Variants in CECR2 observed in about 807,000 individuals in gnomAD.
The protein encoded by CECR2 is chromatin remodeling regulator CECR2.
A neutral mutation model predicts 154.5 loss-of-function variants in CECR2; 30 were observed. The ratio of observed to expected loss-of-function variants is 0.19; its 90% CI spans 0.15 to 0.26. The LOEUF (loss-of-function observed/expected upper bound fraction) is 0.26. Ranked by LOEUF, CECR2 falls within the 10% of genes least tolerant of loss-of-function variation. The pLI is 1.00. For synonymous variants in CECR2, 725 were observed against 683.7 expected (o/e 1.06, Z -0.94); for missense variants, 1,743 against 1,829.3 (o/e 0.95, Z 0.86).
chr22:17,404,386 T>TTTTTTTTTTTTTTG (rs1367499378), intron 1 of CECR2, among the ~76,000 whole-genome samples: 1 of 72,814 alleles, frequency 1.4e-5, no homozygotes, highest in Non-Finnish European at 2.9e-5. Flanking sequence ...TTTTTTTTTT[T>TTTTTTTTTTTTTTG]TTTTTGAGAC....
intron 1 of CECR2, among the ~76,000 whole-genome samples, chr22:17,406,302 C>T (rs1295686374): frequency 6.6e-6 from 1 of 152,190 alleles, no homozygotes; most frequent in Non-Finnish European, 1.5e-5. Flanking sequence ...GGGAGGACCA[C>T]CTGAAGTCAG....
At chr22:17,510,279 C>G (rs1158923424) in intron 7 of CECR2, among the ~76,000 whole-genome samples, 1 of 152,056 alleles carries the variant, frequency 6.6e-6, no homozygotes, top group Non-Finnish European at 1.5e-5. Flanking sequence ...AGGCAGTTCC[C>G]TGATAAGTTT....
In CECR2 at chr22:17,543,171, C is replaced by T. The variant is rs141077411; in HGVS notation, c.2860+168C>T. On this transcript the variant is annotated intron_variant, in intron 16 of 18. Coordinates refer to ENST00000262608, the MANE Select transcript of CECR2 (RefSeq NM_001290047.2). ...TTTTTGAGACAGAGTCTTGCTCTGTCGCCCAGGCTGGAGTGCAGTGGTGTG... is the reference window on the plus strand; with the variant it reads ...TTTTTGAGACAGAGTCTTGCTCTGTTGCCCAGGCTGGAGTGCAGTGGTGTG... 2.0e-3 allele frequency among the ~76,000 whole-genome samples: 297 copies of T among 152,162 alleles called. 3 individuals carry two copies. The highest frequency in any genetic ancestry group is 6.6e-3 in the African/African-American group (273 of 41,512).
chr22:17,543,923 T>C (rs1426773742), intron 16 of CECR2, among the ~76,000 whole-genome samples: 1 of 152,196 alleles, frequency 6.6e-6, no homozygotes, highest in East Asian at 1.9e-4. Flanking sequence ...ATCCTTGTTT[T>C]TACAGATGAA....
intron 15 of CECR2, 43 bp downstream of exon 15, chr22:17,542,010 A>G: frequency 6.3e-7 from 1 of 1,593,084 alleles, no homozygotes; most frequent in Non-Finnish European, 8.6e-7. Context: ...GGGGTCCCAC[A>G]GGTACGTTTC....
intron 7 of CECR2, among the ~76,000 whole-genome samples, chr22:17,507,574 C>A (rs902543220): frequency 1.3e-5 from 2 of 150,990 alleles, no homozygotes; most frequent in Non-Finnish European, 2.9e-5. Context: ...CTATATTCAG[C>A]CTAACATTTT....
chr22:17,514,947 C>T (rs4819597), intron 8 of CECR2, among the ~76,000 whole-genome samples: 17,374 of 150,448 alleles, frequency 0.12, 1,078 homozygotes, highest in South Asian at 0.17. Flanking sequence ...GGCGTGAACC[C>T]GGGAGGCAGA....
chr22:17,505,361 GGGTTTGTCTT>G, intron 7 of CECR2, among the ~76,000 whole-genome samples: 1 of 151,786 alleles, frequency 6.6e-6, no homozygotes. Context: ...AAAATCTTGT[GGGTTTGTCTT>G]TGTCCTTGTA....
intron 15 of CECR2, 39 bp downstream of exon 15, chr22:17,542,006 C>T: frequency 6.3e-7 from 1 of 1,593,494 alleles, no homozygotes; most frequent in Non-Finnish European, 8.5e-7. Flanking sequence ...GCAGGGGGTC[C>T]CACAGGTACG....
At chr22:17,454,240 A>G (rs1050414951) in intron 1 of CECR2, among the ~76,000 whole-genome samples, 1 of 151,944 alleles carries the variant, frequency 6.6e-6, no homozygotes, top group Non-Finnish European at 1.5e-5. Flanking sequence ...TTGAGGCTGC[A>G]ATGAGCCATG....
chr22:17,480,827 G>T (rs1322983212), intron 2 of CECR2, among the ~76,000 whole-genome samples: 1 of 151,174 alleles, frequency 6.6e-6, no homozygotes, highest in Non-Finnish European at 1.5e-5. Context: ...ATCACTTGAG[G>T]TCGGGAGTTC....
chr22:17,402,754 CTTTTTT>C (rs386394918), intron 1 of CECR2, among the ~76,000 whole-genome samples: 2 of 123,078 alleles, frequency 1.6e-5, no homozygotes, highest in Admixed American at 8.9e-5. Context: ...TTCTTTTCTT[CTTTTTT>C]TTTTTTTTTT....
intron 9 of CECR2, among the ~76,000 whole-genome samples, chr22:17,533,101 A>G (rs2146995866): frequency 6.8e-6 from 1 of 147,168 alleles, no homozygotes; most frequent in African/African-American, 2.5e-5. Flanking sequence ...GCAGATCACG[A>G]GGTCAGAAGA....
intron 1 of CECR2, among the ~76,000 whole-genome samples, chr22:17,457,471 G>C (rs1431130153): frequency 1.3e-5 from 2 of 152,120 alleles, no homozygotes; most frequent in African/African-American, 4.8e-5. Context: ...CTATCATTTT[G>C]TAAAATTTTT....
intron 1 of CECR2, among the ~76,000 whole-genome samples, chr22:17,394,616 T>G (rs2053781064): frequency 6.6e-6 from 1 of 152,150 alleles, no homozygotes; most frequent in Admixed American, 6.5e-5. Flanking sequence ...TCCTCCTCCT[T>G]TTTCAGGATT....
At chr22:17,395,748 G>T (rs945368617) in intron 1 of CECR2, among the ~76,000 whole-genome samples, 1 of 152,048 alleles carries the variant, frequency 6.6e-6, no homozygotes, top group African/African-American at 2.4e-5. Context: ...TTGTAATATT[G>T]TCTAATGCAA....
chr22:17,375,402 A>C (rs1288009062), intron 1 of CECR2, among the ~76,000 whole-genome samples: 3 of 152,128 alleles, frequency 2.0e-5, no homozygotes, highest in African/African-American at 7.2e-5. Context: ...GGCATGAGCC[A>C]CTACACCCAG....
intron 8 of CECR2, among the ~76,000 whole-genome samples, chr22:17,520,388 A>C (rs1196415337): frequency 1.3e-5 from 2 of 151,872 alleles, no homozygotes; most frequent in Non-Finnish European, 2.9e-5. Context: ...TCCCTTTGAC[A>C]AGGCTCAGGT....
chr22:17,528,642 T>A (rs1235608235), intron 9 of CECR2, among the ~76,000 whole-genome samples: 2 of 152,100 alleles, frequency 1.3e-5, no homozygotes, highest in African/African-American at 4.8e-5. Context: ...TTCAAGTGAT[T>A]ACCATGCCTC....
Sources: gnomAD v4.1 joint callset for allele counts (sites outside exome capture counted in the v4.1 genomes callset) on GRCh38, gnomAD v4.1.1 for gene constraint, MANE v1.5 for transcripts, NCBI Gene and HGNC (gene_info 2026-07-23, HGNC 2026-07-21) for gene names.